The following SLC30A3 variants were observed in gnomAD, a reference collection of about 807,000 sequenced individuals.
SLC30A3 encodes the protein solute carrier family 30 member 3, also known as probable proton-coupled zinc antiporter SLC30A3.
Under a neutral mutation model 35.6 loss-of-function variants are expected in SLC30A3, and 20 were observed. That is an observed-to-expected ratio of 0.56 (90% CI 0.39 to 0.82). SLC30A3 has a LOEUF of 0.82. Among genes scored for constraint, SLC30A3 ranks in the 40% least tolerant of loss-of-function variants. The pLI is 0.00. For missense variants in SLC30A3, 401 were observed against 530.6 expected, an observed-to-expected ratio of 0.76 and a Z score of 2.40; for synonymous variants, 217 against 224.7, an observed-to-expected ratio of 0.97 and a Z score of 0.31.
At position 27,257,649 on chromosome 2, in the gene SLC30A3, T is replaced by C. The variant is rs1471103584; in HGVS notation, c.578+256A>G. The stretch of plus-strand genomic sequence containing the variant: ...TGCTACCTACCTCATGGGGTGGCTG[T>C]GAGGTTTAAATGCAATCATGTTGAT... On this transcript the variant is annotated intron_variant, in intron 4 of 7. Coordinates refer to ENST00000233535, the MANE Select transcript of SLC30A3 (RefSeq NM_003459.5). The surrounding 1 kb of genome is among the most constrained non-coding windows in gnomAD (Gnocchi z 4.7). 4 of 598,802 alleles carry C rather than the reference T, an allele frequency of 6.7e-6. No individual in the cohort carries two copies. Among genetic ancestry groups the C allele is most frequent in the Admixed American group, 6.0e-5 (2 of 33,582 alleles). The allele number at this position is 598,802 out of a possible 1,614,324, so 37.1% of individuals were successfully genotyped here. A position where few individuals can be genotyped will look rare whatever the true frequency, so the allele number is the denominator to read the frequency against.
chr2:27,256,655 T>C (rs1676874972), intron 6 of SLC30A3, 133 bp downstream of exon 6: 2 of 1,365,958 alleles, frequency 1.5e-6, no homozygotes, highest in African/African-American at 2.9e-5. Flanking sequence ...TATGCCCAAA[T>C]CCTTGTTCCA....
chr2:27,275,635 G>C (rs1677992157), upstream of SLC30A3: 1 of 200,252 alleles, frequency 5.0e-6, no homozygotes, highest in Non-Finnish European at 1.0e-5. Context: ...TGAGCTCCTT[G>C]CCTTGCTCGG....
At chr2:27,261,338 G>C (rs931407545) in intron 1 of SLC30A3, among the ~76,000 whole-genome samples, 1 of 152,218 alleles carries the variant, frequency 6.6e-6, no homozygotes, top group Non-Finnish European at 1.5e-5. Context: ...AACCAGGCCA[G>C]AGCTTCCCTG....
intron 1 of SLC30A3, among the ~76,000 whole-genome samples, chr2:27,273,561 T>TA (rs895898251): frequency 4.2e-5 from 6 of 143,368 alleles, no homozygotes; most frequent in Non-Finnish European, 7.6e-5. Flanking sequence ...CAAACCACCA[T>TA]AAAAAAATTA....
In SLC30A3 at chr2:27,255,719, A is replaced by C; in HGVS notation, c.1019-259T>G. ...GTCATTAAGTGTCAACATACAGCTC[A>C]ACATTTCAGCAGCCATACCACCCGA... On this transcript the variant is annotated intron_variant, in intron 7 of 7. Transcript: ENST00000233535. This position sits in a 1 kb window ranked among gnomAD's most constrained non-coding sequence, Gnocchi z 5.2. 1 of 470,632 alleles carries C rather than the reference A, an allele frequency of 2.1e-6. No individual in the cohort carries two copies. Among genetic ancestry groups the C allele is most frequent in the East Asian group, 4.1e-5 (1 of 24,244 alleles). 29.2% of individuals were successfully genotyped at this position (470,632 alleles called of 1,614,324 possible).
chr2:27,274,469 G>A (rs1436307429), intron 1 of SLC30A3, among the ~76,000 whole-genome samples: 2 of 152,192 alleles, frequency 1.3e-5, no homozygotes, highest in Non-Finnish European at 1.5e-5. Flanking sequence ...TCTACTACAT[G>A]TTACAGGAGC....
In SLC30A3 at chr2:27,262,747, A is replaced by G; in HGVS notation, c.95+65T>C. On this transcript the variant is annotated intron_variant, in intron 1 of 7. Transcript: ENST00000233535. This position sits in a 1 kb window ranked among gnomAD's most constrained non-coding sequence, Gnocchi z 7.5. ...GCCGGGGCCCGCGCCGAGAGAGACAACGAAATGGACGGAGGGTAGTAGGGT... is the reference window on the plus strand; with the variant it reads ...GCCGGGGCCCGCGCCGAGAGAGACAGCGAAATGGACGGAGGGTAGTAGGGT... 1 of 1,414,878 alleles carries G rather than the reference A, an allele frequency of 7.1e-7. No individual in the cohort carries two copies. Among genetic ancestry groups the G allele is most frequent in the Non-Finnish European group, 9.3e-7 (1 of 1,079,740 alleles). 87.6% of individuals were successfully genotyped at this position (1,414,878 alleles called of 1,614,324 possible).
At chr2:27,270,551 T>C (rs1677691486) in intron 1 of SLC30A3, among the ~76,000 whole-genome samples, 1 of 152,028 alleles carries the variant, frequency 6.6e-6, no homozygotes, top group East Asian at 1.9e-4. Context: ...GGAGATAGGA[T>C]AGAAATAGCT....
intron 1 of SLC30A3, among the ~76,000 whole-genome samples, chr2:27,260,151 G>A (rs903436468): frequency 2.9e-4 from 44 of 152,212 alleles, no homozygotes; most frequent in African/African-American, 1.1e-3. Flanking sequence ...CCTGGATCCT[G>A]CCCCCGCCCT....
chr2:27,263,526 A>G, upstream of SLC30A3: 1 of 281,970 alleles, frequency 3.5e-6, no homozygotes, highest in Middle Eastern at 4.2e-4. Flanking sequence ...GGGACTCCAG[A>G]AACCCCTTTA....
Position 27,258,833 on chromosome 2 carries a change from G to A in SLC30A3, c.197C>T (p.Thr66Ile), listed in dbSNP as rs765014705. 6.2e-7 allele frequency: 1 copy of A among 1,614,236 alleles called. No homozygotes were observed. Among genetic ancestry groups the A allele is most frequent in the East Asian group, 2.2e-5 (1 of 44,886 alleles). ...HRDPLPPPGL[T>I]PERLHARRQL... ...CCTCCGTGCATGCAGCCTCTCAGGGGTAAGGCCCGGCGGCGGAAGGGGGTC... is the reference window on the plus strand; with the variant it reads ...CCTCCGTGCATGCAGCCTCTCAGGGATAAGGCCCGGCGGCGGAAGGGGGTC... The change falls in exon 2 of 8, where the codon ACC (threonine) becomes ATC (isoleucine). Residue 66 changes from threonine to isoleucine, a missense_variant. Thr to Ile is a moderately conservative substitution (Grantham distance 89). This residue lies in a region of SLC30A3 where 103 missense variants were observed against 120.7 expected (regional missense o/e 0.85). Transcript: ENST00000233535. The surrounding 1 kb of genome is among the most constrained non-coding windows in gnomAD (Gnocchi z 4.0).
chr2:27,265,275 C>T (rs1677451138), upstream of SLC30A3, among the ~76,000 whole-genome samples: 1 of 152,246 alleles, frequency 6.6e-6, no homozygotes, highest in South Asian at 2.1e-4. The surrounding 1 kb of genome is among the most constrained non-coding windows in gnomAD (Gnocchi z 5.9). Flanking sequence ...AGGCGCCTCG[C>T]AGCGCGTGGC....
Position 27,256,815 on chromosome 2 carries a change from G to C in SLC30A3, c.856C>G (p.Arg286Gly). 1 of 1,605,954 alleles carries C rather than the reference G, an allele frequency of 6.2e-7. No individual in the cohort carries two copies. Among genetic ancestry groups the C allele is most frequent in the Non-Finnish European group, 8.5e-7 (1 of 1,177,890 alleles). ...TCCATGAGGATTCGAAGAACGTCTC[G>C]GAGGGTGGGAGCGGTGGATCCAAGG... ...CALGSTAPTLRDVLRILMEGT... is the reference protein window; with the variant it reads ...CALGSTAPTLGDVLRILMEGT... Residue 286 changes from arginine to glycine, a missense_variant, in exon 6 of 8, where the codon CGA becomes GGA. Physicochemically the swap from Arg to Gly is moderately radical, Grantham distance 125 (BLOSUM62 -2). This residue lies in a region of SLC30A3 where 296 missense variants were observed against 392.6 expected (regional missense o/e 0.75). Transcript: ENST00000233535.
upstream of SLC30A3, chr2:27,263,220 C>G (rs1409199095): frequency 1.0e-5 from 8 of 764,596 alleles, no homozygotes; most frequent in South Asian, 2.0e-5. Context: ...GCCCCGCCAC[C>G]CGAGTTCTGG....
chr2:27,265,564 G>C (rs6547521), upstream of SLC30A3, among the ~76,000 whole-genome samples: 67,246 of 151,922 alleles, frequency 0.44, 18,882 homozygotes, highest in African/African-American at 0.79. This position sits in a 1 kb window ranked among gnomAD's most constrained non-coding sequence, Gnocchi z 5.9. Flanking sequence ...CCTGACAAGT[G>C]CAAGCCAAGC....
intron 7 of SLC30A3, chr2:27,256,007 C>G (rs1471396896): frequency 3.8e-6 from 1 of 266,472 alleles, no homozygotes; most frequent in African/African-American, 2.2e-5. Flanking sequence ...AGTTGCTGTA[C>G]AGTCTTCACA....
chr2:27,262,871 G>T lies in SLC30A3; in HGVS notation c.36C>A (p.Thr12=), dbSNP rs1280009858. 1 of 1,559,576 alleles carries T rather than the reference G, an allele frequency of 6.4e-7. No homozygotes were observed. Among genetic ancestry groups the T allele is most frequent in the Non-Finnish European group, 8.6e-7 (1 of 1,159,568 alleles). The change falls in exon 1 of 8, where the codon ACC becomes ACA. Residue 12 remains threonine, a synonymous_variant. Transcript: ENST00000233535. The surrounding 1 kb of genome is among the most constrained non-coding windows in gnomAD (Gnocchi z 7.5). ...GGTCCCGGGGGCTCACCAGGCGAGT[G>T]GTCTCCAAGCCCCCAGCGGCTGGAG... The part of the protein sequence containing the change: ...EPSPAAGGLE[T]TRLVSPRDRG...
At position 27,258,813 on chromosome 2, in the gene SLC30A3, G is replaced by A. The variant is rs558888177; in HGVS notation, c.217C>T (p.Arg73Trp). Residue 73 changes from arginine (R) to tryptophan (W), a missense_variant, in exon 2 of 8, where the codon CGG becomes TGG. This residue lies in a region of SLC30A3 where 103 missense variants were observed against 120.7 expected (regional missense o/e 0.85). Coordinates refer to ENST00000233535, the MANE Select transcript of SLC30A3 (RefSeq NM_003459.5). This position sits in a 1 kb window ranked among gnomAD's most constrained non-coding sequence, Gnocchi z 4.0. ...GCACAGGCAGCATATAGCTGCCTCC[G>A]TGCATGCAGCCTCTCAGGGGTAAGG... ...PGLTPERLHA[R>W]RQLYAACAVC... 4.2e-5 allele frequency: 68 copies of A among 1,614,062 alleles called. No individual in the cohort carries two copies. The highest frequency in any genetic ancestry group is 5.0e-5 in the Non-Finnish European group (59 of 1,180,004).
At position 27,269,208 on chromosome 2, in the gene SLC30A3, C is replaced by CTT. The variant is rs368309600; in HGVS notation, c.-158-5128_-158-5127dup. Among the ~76,000 whole-genome samples the CTT allele has an allele frequency of 2.3e-3, 294 of 127,878 alleles. 1 individual carries two copies. The highest frequency in any genetic ancestry group is 4.7e-3 in the African/African-American group (163 of 34,884). 83.9% of individuals were successfully genotyped at this position (127,878 alleles called of 152,430 possible). On this transcript the variant is annotated intron_variant, in intron 1 of 5. Transcript: ENST00000424577. ...TTTTTTTTTCTTTTTCTTTTTCTTT[C>CTT]TTTTTTTTTTTTTTTGGAGACAGAG...
Sources: allele counts gnomAD v4.1 joint callset (sites outside exome capture counted in the v4.1 genomes callset), GRCh38; gene constraint gnomAD v4.1.1; regional missense constraint gnomAD v4.1.1; non-coding constraint Gnocchi (gnomAD v3.1); transcripts MANE v1.5; gene names NCBI Gene and HGNC (gene_info 2026-07-23, HGNC 2026-07-21).